Variants in ARHGAP20 observed in about 807,000 individuals in gnomAD.
The protein encoded by ARHGAP20 is Rho GTPase activating protein 20.
In ARHGAP20, 34 loss-of-function variants were observed where a neutral mutation model predicts 73.7. The ratio of observed to expected loss-of-function variants is 0.46; its 90% CI spans 0.35 to 0.61. ARHGAP20 has a LOEUF of 0.61. ARHGAP20 is among the 20% of genes least tolerant of loss of function. The pLI is 0.00. For missense variants in ARHGAP20, 1,314 were observed against 1,420.9 expected (o/e 0.92, Z 1.21); for synonymous variants, 523 against 518.2 (o/e 1.01, Z -0.13).
intron 7 of ARHGAP20, among the ~76,000 whole-genome samples, chr11:110,610,227 C>T (rs548176824): frequency 8.5e-5 from 13 of 152,076 alleles, no homozygotes; most frequent in African/African-American, 1.9e-4. Flanking sequence ...CAAAATTTAA[C>T]GAATTATTAG....
intron 2 of ARHGAP20, among the ~76,000 whole-genome samples, chr11:110,666,350 A>G (rs534079138): frequency 1.1e-4 from 16 of 152,334 alleles, no homozygotes; most frequent in African/African-American, 3.8e-4. Context: ...GAAATTGTCA[A>G]GCTGATTCAC....
In ARHGAP20 at chr11:110,695,903, C is replaced by T. The variant is rs71476972; in HGVS notation, c.106-5274G>A. On this transcript the variant is annotated intron_variant, in intron 1 of 14. Coordinates refer to ENST00000683387, the MANE Select transcript of ARHGAP20 (RefSeq NM_001384657.1). ...ACAGCATTATTCATAACAGTAAAAA[C>T]GTGGCAACATCACCAATGCCAATCA... is the stretch of plus-strand genomic sequence containing the variant. Among the ~76,000 whole-genome samples, 5 of 151,334 alleles carry T rather than the reference C, an allele frequency of 3.3e-5. No individual in the cohort carries two copies. The East Asian group carries it at 5.8e-4, about 18-fold the overall frequency.
chr11:110,602,214 C>T lies in ARHGAP20; in HGVS notation c.964+4347G>A, dbSNP rs7945795. 4.4e-3 allele frequency among the ~76,000 whole-genome samples: 511 copies of T among 117,168 alleles called. 3 individuals carry two copies. Among genetic ancestry groups the T allele is most frequent in the African/African-American group, 0.022 (476 of 21,182 alleles). 76.9% of individuals were successfully genotyped at this position (117,168 alleles called of 152,430 possible). On this transcript the variant is annotated intron_variant, in intron 9 of 14. Coordinates refer to ENST00000683387, the MANE Select transcript of ARHGAP20 (RefSeq NM_001384657.1). ...TCAAGTGCCACATCTATCAGGATAC[C>T]ACAACATCTTTTTTTTTTATTACTT...
At chr11:110,638,612 G>T (rs966511411) in intron 2 of ARHGAP20, among the ~76,000 whole-genome samples, 3 of 151,818 alleles carry the variant, frequency 2.0e-5, no homozygotes, top group Admixed American at 6.6e-5. Context: ...AGCTGGAGAT[G>T]AAATTGACCA....
chr11:110,578,652 C>G lies in ARHGAP20; in HGVS notation c.*718G>C. The G allele has an allele frequency of 1.0e-6, 1 of 985,410 alleles. No individual in the cohort carries two copies. The highest frequency in any genetic ancestry group is 1.2e-6 in the Non-Finnish European group (1 of 829,936). The allele number at this position is 985,410 out of a possible 1,614,324, so 61.0% of individuals were successfully genotyped here. ...GCCATTTTCTTCTTTCTCCTCACAA[C>G]TCTGTTTCCTGAAGCCTTGCAAAGC... On this transcript the variant is annotated 3_prime_UTR_variant, in exon 15 of 15. Transcript: ENST00000683387.
chr11:110,644,997 T>TTC (rs71476091), intron 2 of ARHGAP20, among the ~76,000 whole-genome samples: 165 of 150,494 alleles, frequency 1.1e-3, no homozygotes, highest in Middle Eastern at 3.4e-3. Context: ...GAACAGACAC[T>TTC]TCTCTCTCTC....
chr11:110,655,143 G>A (rs1346628672), intron 2 of ARHGAP20, among the ~76,000 whole-genome samples: 1 of 152,150 alleles, frequency 6.6e-6, no homozygotes, highest in African/African-American at 2.4e-5. Context: ...AAAGGGGATT[G>A]GGAGAAAGCC....
chr11:110,588,168 C>T (rs944755416), intron 11 of ARHGAP20, among the ~76,000 whole-genome samples: 1 of 152,166 alleles, frequency 6.6e-6, no homozygotes, highest in African/African-American at 2.4e-5. Flanking sequence ...ATACCACCAT[C>T]ATCACAGCTG....
chr11:110,703,361 C>T (rs1226748460), intron 1 of ARHGAP20, among the ~76,000 whole-genome samples: 1 of 152,030 alleles, frequency 6.6e-6, no homozygotes, highest in East Asian at 1.9e-4. Flanking sequence ...GGGCACTAGG[C>T]TAGGAGACAT....
At chr11:110,588,847 G>A (rs1168903367) in intron 11 of ARHGAP20, among the ~76,000 whole-genome samples, 2 of 151,972 alleles carry the variant, frequency 1.3e-5, no homozygotes, top group Non-Finnish European at 2.9e-5. Context: ...CGAGGCGGGC[G>A]GATCACGAGG....
At chr11:110,589,006 A>G (rs1213607519) in intron 11 of ARHGAP20, among the ~76,000 whole-genome samples, 7 of 152,126 alleles carry the variant, frequency 4.6e-5, no homozygotes, top group Non-Finnish European at 7.4e-5. Flanking sequence ...CAGGAGGTGG[A>G]GCTTGCAGTG....
At chr11:110,647,256 G>A (rs1949216574) in intron 2 of ARHGAP20, among the ~76,000 whole-genome samples, 1 of 152,068 alleles carries the variant, frequency 6.6e-6, no homozygotes, top group South Asian at 2.1e-4. Flanking sequence ...ATATCGAAAT[G>A]GGGATTTAAA....
At chr11:110,667,444 T>A (rs980179884) in intron 2 of ARHGAP20, among the ~76,000 whole-genome samples, 2 of 152,210 alleles carry the variant, frequency 1.3e-5, no homozygotes, top group Non-Finnish European at 2.9e-5. Context: ...TGTTAAGACA[T>A]ATTGCTCAGA....
At chr11:110,640,396 T>C (rs909263018) in intron 2 of ARHGAP20, among the ~76,000 whole-genome samples, 1 of 151,964 alleles carries the variant, frequency 6.6e-6, no homozygotes, top group Non-Finnish European at 1.5e-5. Context: ...ACTTTCTATA[T>C]TGCCTGTGTA....
In ARHGAP20 at chr11:110,577,888, A is replaced by G; in HGVS notation, c.*1482T>C. 1 of 985,798 alleles carries G rather than the reference A, an allele frequency of 1.0e-6. No individual in the cohort carries two copies. The highest frequency in any genetic ancestry group is 1.7e-5 in the African/African-American group (1 of 57,368). 61.1% of individuals were successfully genotyped at this position (985,798 alleles called of 1,614,324 possible). A position where few individuals can be genotyped will look rare whatever the true frequency, so the allele number is the denominator to read the frequency against. On this transcript the variant is annotated 3_prime_UTR_variant, in exon 15 of 15. Coordinates refer to ENST00000683387, the MANE Select transcript of ARHGAP20 (RefSeq NM_001384657.1). Reference sequence around the variant, plus strand: ...CAACCTTTAGAACAAAAAAGAAAGAACATTTGATATGACCATTTTCTGGTG... The same window carrying G: ...CAACCTTTAGAACAAAAAAGAAAGAGCATTTGATATGACCATTTTCTGGTG...
chr11:110,685,564 G>C (rs1161011760), intron 2 of ARHGAP20, among the ~76,000 whole-genome samples: 1 of 151,860 alleles, frequency 6.6e-6, no homozygotes, highest in Non-Finnish European at 1.5e-5. Flanking sequence ...GAACACTGGA[G>C]ATAAAACTAC....
intron 7 of ARHGAP20, among the ~76,000 whole-genome samples, chr11:110,609,482 G>C (rs1948316728): frequency 6.6e-6 from 1 of 152,160 alleles, no homozygotes; most frequent in Non-Finnish European, 1.5e-5. Context: ...GAATGACCAA[G>C]AAGCTTTGAG....
chr11:110,640,511 T>G (rs1043609089), intron 2 of ARHGAP20, among the ~76,000 whole-genome samples: 2 of 152,028 alleles, frequency 1.3e-5, no homozygotes, highest in African/African-American at 4.8e-5. Flanking sequence ...AACTCTATCT[T>G]ATTCAGCAAT....
chr11:110,599,205 G>A (rs1948049322), intron 9 of ARHGAP20, among the ~76,000 whole-genome samples: 2 of 152,192 alleles, frequency 1.3e-5, no homozygotes, highest in Non-Finnish European at 2.9e-5. Context: ...TACTCTTGGG[G>A]GTCCTTAAGG....
Sources: gnomAD v4.1 joint callset for allele counts (sites outside exome capture counted in the v4.1 genomes callset) on GRCh38, gnomAD v4.1.1 for gene constraint, MANE v1.5 for transcripts, NCBI Gene and HGNC (gene_info 2026-07-23, HGNC 2026-07-21) for gene names.